Variants in COL14A1 observed in about 807,000 individuals in gnomAD.
The protein encoded by COL14A1 is collagen type XIV alpha 1 chain.
COL14A1 carries 136 observed loss-of-function variants against 230.3 expected under a neutral mutation model. The observed-to-expected ratio is 0.59, with a 90% CI of 0.51 to 0.68. The LOEUF is 0.68. COL14A1 is among the 30% of genes least tolerant of loss of function. The pLI is 0.00. For missense variants in COL14A1, 1,976 were observed against 2,215.8 expected (o/e 0.89, Z 2.17); for synonymous variants, 792 against 784.1 (o/e 1.01, Z -0.17).
intron 3 of COL14A1, among the ~76,000 whole-genome samples, chr8:120,160,750 G>T (rs181800678): frequency 2.2e-4 from 34 of 152,236 alleles, no homozygotes; most frequent in African/African-American, 7.9e-4. Flanking sequence ...ATGAGATATG[G>T]TCCAACTATT....
intron 45 of COL14A1, among the ~76,000 whole-genome samples, chr8:120,350,747 G>C (rs1319470860): frequency 6.8e-6 from 1 of 146,990 alleles, no homozygotes; most frequent in Admixed American, 6.7e-5. Flanking sequence ...CAAGTCCTGA[G>C]TGACCTACAA....
Position 120,371,148 on chromosome 8 carries a change from T to G in COL14A1, c.5312-4T>G. The G allele has an allele frequency of 6.2e-7, 1 of 1,604,862 alleles. No homozygotes were observed. The highest frequency in any genetic ancestry group is 8.5e-7 in the Non-Finnish European group (1 of 1,176,894). ...AAGTCCCCACCCCCACTTTTCCTCT[T>G]TAGCTCCCCATCCAGATCAGCCAGA... is the stretch of plus-strand genomic sequence containing the variant. On this transcript the variant is annotated splice_region_variant and splice_polypyrimidine_tract_variant and intron_variant, in intron 47 of 47. Coordinates refer to ENST00000297848, the MANE Select transcript of COL14A1 (RefSeq NM_021110.4).
chr8:120,267,551 G>A (rs963558855), intron 25 of COL14A1, among the ~76,000 whole-genome samples: 1 of 151,842 alleles, frequency 6.6e-6, no homozygotes, highest in African/African-American at 2.4e-5. Context: ...AAGTGGTAAT[G>A]GTTAATACTG....
At chr8:120,339,588 ACT>A (rs1434482092) in intron 42 of COL14A1, among the ~76,000 whole-genome samples, 2 of 152,142 alleles carry the variant, frequency 1.3e-5, no homozygotes, top group African/African-American at 2.4e-5. Flanking sequence ...TTACAAAGAA[ACT>A]CAGAGAGTTA....
Position 120,345,407 on chromosome 8 carries a change from C to A in COL14A1, c.4921C>A (p.Gln1641Lys). The change falls in exon 45 of 48, where the codon CAG (glutamine) becomes AAG (lysine). Residue 1641 changes from glutamine (Q) to lysine (K), a missense_variant. Physicochemically the swap from Gln to Lys is moderately conservative, Grantham distance 53. This residue lies in a region of COL14A1 where 1,791 missense variants were observed against 2,019.5 expected (regional missense o/e 0.89). Coordinates refer to ENST00000297848, the MANE Select transcript of COL14A1 (RefSeq NM_021110.4). ...HMARYTAILN[Q>K]IPSHSSSIRT... ...GGCCAGGTACACTGCCATCCTCAAC[C>A]AGATTCCCAGCCACTCCTCATCCAT... 1 of 1,597,332 alleles carries A rather than the reference C, an allele frequency of 6.3e-7. No individual in the cohort carries two copies. Among genetic ancestry groups the A allele is most frequent in the South Asian group, 1.1e-5 (1 of 88,016 alleles).
At chr8:120,189,787 A>T (rs1485100224) in intron 5 of COL14A1, among the ~76,000 whole-genome samples, 1 of 151,908 alleles carries the variant, frequency 6.6e-6, no homozygotes, top group Non-Finnish European at 1.5e-5. Context: ...TTCCAATTTC[A>T]TTCATGTCCC....
rs900861223 is a variant in COL14A1 at position 120,209,765 on chromosome 8, C to T, written c.1331C>T (p.Pro444Leu). Residue 444 changes from proline (P) to leucine (L), a missense_variant, in exon 12 of 48, where the codon CCG (proline) becomes CTG (leucine). By Grantham distance (98) the Pro-to-Leu change is moderately conservative. Transcript: ENST00000297848. ...LRGTETTLALPMASDLLLYDV... is the reference protein window; with the variant it reads ...LRGTETTLALLMASDLLLYDV... Reference sequence around the variant, plus strand: ...AAAAAATCTCTTGCAGTTGCTTTACCGATGGCTTCTGACCTTCTACTGTAC... The same window carrying T: ...AAAAAATCTCTTGCAGTTGCTTTACTGATGGCTTCTGACCTTCTACTGTAC... The T allele has an allele frequency of 1.4e-5, 22 of 1,605,522 alleles. No individual in the cohort carries two copies. Among genetic ancestry groups the T allele is most frequent in the African/African-American group, 4.0e-5 (3 of 74,338 alleles).
intron 18 of COL14A1, among the ~76,000 whole-genome samples, chr8:120,229,500 C>CGGAGAA (rs1818201357): frequency 1.3e-5 from 2 of 152,106 alleles, no homozygotes; most frequent in African/African-American, 4.8e-5. Flanking sequence ...TTTTCTTAAT[C>CGGAGAA]CAGTCTATCA....
chr8:120,139,110 G>T (rs1427728083), intron 1 of COL14A1, among the ~76,000 whole-genome samples: 1 of 152,204 alleles, frequency 6.6e-6, no homozygotes, highest in Non-Finnish European at 1.5e-5. Context: ...ACTCCTGTGG[G>T]TTGGGAGCAT....
At chr8:120,299,285 C>A (rs76191483) in intron 35 of COL14A1, among the ~76,000 whole-genome samples, 1,523 of 152,136 alleles carry the variant, frequency 0.01, 26 homozygotes, top group African/African-American at 0.035. Context: ...CTATTGCAAG[C>A]ACCAAATTCA....
intron 26 of COL14A1, among the ~76,000 whole-genome samples, chr8:120,275,119 C>T (rs1180956439): frequency 6.6e-6 from 1 of 151,970 alleles, no homozygotes; most frequent in Non-Finnish European, 1.5e-5. Context: ...GTTACTAAAA[C>T]AGCATGATAC....
chr8:120,252,174 CTTTAT>C (rs945286071), intron 22 of COL14A1, among the ~76,000 whole-genome samples: 20 of 152,018 alleles, frequency 1.3e-4, no homozygotes, highest in Admixed American at 8.5e-4. Flanking sequence ...CAAATGACAT[CTTTAT>C]TTTATTTTAT....
rs1220840763 is a variant in COL14A1 at position 120,243,916 on chromosome 8, A to C, written c.2387A>C (p.Lys796Thr). Residue 796 changes from lysine (K) to threonine (T), a missense_variant, in exon 20 of 48, where the codon AAG becomes ACG. Lys to Thr is a moderately conservative substitution (Grantham distance 78, BLOSUM62 -1). Around this residue, in one of 3 missense-constraint regions of COL14A1, gnomAD observed 1,791 missense variants for 2,019.5 expected, o/e 0.89. Transcript: ENST00000297848. ...GGAAGCCAGAACAACCTCCTTCTGAAGCCTCTGCTTCCTGATACTGAATAC... is the reference window on the plus strand; with the variant it reads ...GGAAGCCAGAACAACCTCCTTCTGACGCCTCTGCTTCCTGATACTGAATAC... ...VPGSQNNLLL[K>T]PLLPDTEYKV... 1 of 1,613,712 alleles carries C rather than the reference A, an allele frequency of 6.2e-7. No individual in the cohort carries two copies. The highest frequency in any genetic ancestry group is 8.5e-7 in the Non-Finnish European group (1 of 1,179,734).
rs528658322 is a variant in COL14A1, at chr8:120,174,636, C to T, written c.436+6389C>T. ...TTCTGAGCCCACTTTCAGGCAGGCA[C>T]TATCTCAAAGGGTTTATTGTAGTGA... On this transcript the variant is annotated intron_variant, in intron 5 of 47. Transcript: ENST00000297848. Among the ~76,000 whole-genome samples, 45 of 152,222 alleles carry T rather than the reference C, an allele frequency of 3.0e-4. 1 individual carries two copies. The South Asian group carries it at 8.3e-3, about 28-fold the overall frequency.
chr8:120,162,800 A>C (rs1815729185), intron 4 of COL14A1, among the ~76,000 whole-genome samples: 1 of 152,128 alleles, frequency 6.6e-6, no homozygotes, highest in Admixed American at 6.6e-5. Context: ...TTTAGTTTCC[A>C]ATGAACTTCT....
At chr8:120,281,285 G>A (rs1228882819) in intron 31 of COL14A1, among the ~76,000 whole-genome samples, 1 of 152,100 alleles carries the variant, frequency 6.6e-6, no homozygotes, top group East Asian at 1.9e-4. Flanking sequence ...ATGATTGCTG[G>A]ATGCTGTGGC....
intron 5 of COL14A1, among the ~76,000 whole-genome samples, chr8:120,191,952 A>C (rs1034717732): frequency 5.9e-5 from 9 of 151,596 alleles, no homozygotes; most frequent in African/African-American, 2.2e-4. Flanking sequence ...TGCACGTGAG[A>C]TGGGTTTCCT....
chr8:120,366,868 G>A (rs1303439437), intron 45 of COL14A1, among the ~76,000 whole-genome samples: 2 of 152,228 alleles, frequency 1.3e-5, no homozygotes, highest in Non-Finnish European at 2.9e-5. Flanking sequence ...GTGGCCTGGT[G>A]CGTGCAAAGA....
intron 47 of COL14A1, chr8:120,370,767 C>A: frequency 7.3e-7 from 1 of 1,377,596 alleles, no homozygotes; most frequent in South Asian, 1.2e-5. Context: ...CTTGACCACC[C>A]TACTCTCCCT....
Sources: allele counts gnomAD v4.1 joint callset (sites outside exome capture counted in the v4.1 genomes callset), GRCh38; gene constraint gnomAD v4.1.1; regional missense constraint gnomAD v4.1.1; transcripts MANE v1.5; gene names NCBI Gene and HGNC (gene_info 2026-07-23, HGNC 2026-07-21).